Variants in NFIB observed in about 807,000 individuals in gnomAD.
The protein encoded by NFIB is nuclear factor 1 B-type.
A neutral mutation model predicts 61.5 loss-of-function variants in NFIB; 11 were observed. The observed-to-expected ratio is 0.18, with a 90% CI of 0.11 to 0.30. The LOEUF is 0.30. NFIB is among the 10% of genes least tolerant of loss of function. The pLI is 1.00. For missense variants in NFIB, 471 were observed against 608.9 expected, an observed-to-expected ratio of 0.77 and a Z score of 2.38; for synonymous variants, 260 against 216.5, an observed-to-expected ratio of 1.20 and a Z score of -1.76.
At chr9:14,493,480 C>T in the NFIB span, among the ~76,000 whole-genome samples, 1 of 152,166 alleles carries the variant, frequency 6.6e-6, no homozygotes, top group Admixed American at 6.5e-5. Context: ...ATGTATTCCA[C>T]TGTTAAATTC....
intron 2 of NFIB, chr9:14,204,432 G>T: frequency 8.8e-7 from 1 of 1,142,036 alleles, no homozygotes; most frequent in South Asian, 1.2e-5. Context: ...CGCTATAGCA[G>T]GTTGCAGCGG....
At chr9:14,319,020 G>A (rs2060603432), upstream of NFIB, among the ~76,000 whole-genome samples, 2 of 151,960 alleles carry the variant, frequency 1.3e-5, no homozygotes, top group Non-Finnish European at 2.9e-5. Flanking sequence ...ATTCACAACT[G>A]GTTAGTTTCC....
At chr9:14,440,889 TAA>T in the NFIB span, among the ~76,000 whole-genome samples, 1 of 152,160 alleles carries the variant, frequency 6.6e-6, no homozygotes, top group South Asian at 2.1e-4. Flanking sequence ...ACAAAGGTAT[TAA>T]GAGAAAAATG....
intron 1 of NFIB, among the ~76,000 whole-genome samples, chr9:14,389,896 T>C (rs1269724867): frequency 1.3e-5 from 2 of 152,244 alleles, no homozygotes; most frequent in Admixed American, 6.5e-5. Context: ...GACATTCTCC[T>C]TAGTCTGGGC....
intron 1 of NFIB, among the ~76,000 whole-genome samples, chr9:14,358,542 T>G (rs543630577): frequency 6.6e-6 from 1 of 152,294 alleles, no homozygotes; most frequent in African/African-American, 2.4e-5. Context: ...CTGAAATCAT[T>G]AAAATATGTT....
At chr9:14,091,050 C>A (rs143068993) in intron 10 of NFIB, among the ~76,000 whole-genome samples, 1 of 151,834 alleles carries the variant, frequency 6.6e-6, no homozygotes, top group Non-Finnish European at 1.5e-5. Context: ...TCTTTCAAAC[C>A]GCCCATCCTA....
At chr9:14,316,742 T>G (rs1171725178), upstream of NFIB, among the ~76,000 whole-genome samples, 1 of 151,988 alleles carries the variant, frequency 6.6e-6, no homozygotes, top group East Asian at 1.9e-4. Flanking sequence ...CACATTACAC[T>G]GCATCCCCTT....
At chr9:14,518,068 TA>T in the NFIB span, among the ~76,000 whole-genome samples, 1 of 152,202 alleles carries the variant, frequency 6.6e-6, no homozygotes, top group Non-Finnish European at 1.5e-5. Flanking sequence ...AAATACACTA[TA>T]AAAAATTTTG....
intron 1 of NFIB, among the ~76,000 whole-genome samples, chr9:14,352,477 C>T (rs933054707): frequency 6.6e-6 from 1 of 152,172 alleles, no homozygotes; most frequent in South Asian, 2.1e-4. Context: ...TTGACATCAC[C>T]GCTTCTTTTG....
chr9:14,176,493 C>A (rs1056580514), intron 3 of NFIB, among the ~76,000 whole-genome samples: 28 of 152,072 alleles, frequency 1.8e-4, no homozygotes, highest in Admixed American at 7.2e-4. Flanking sequence ...ACATTTAAGT[C>A]ACAAATCGTT....
intron 2 of NFIB, among the ~76,000 whole-genome samples, chr9:14,238,347 AC>A (rs1211914649): frequency 6.6e-6 from 1 of 152,200 alleles, no homozygotes; most frequent in Non-Finnish European, 1.5e-5. Context: ...AGTAGGGGCT[AC>A]AAATATAAAT....
intron 10 of NFIB, among the ~76,000 whole-genome samples, chr9:14,101,046 G>C (rs2035704436): frequency 1.3e-5 from 2 of 152,146 alleles, no homozygotes; most frequent in South Asian, 4.2e-4. Flanking sequence ...GGAAATATTA[G>C]GTCATTAAAT....
chr9:14,098,494 G>T (rs2035228021), intron 10 of NFIB, among the ~76,000 whole-genome samples: 1 of 152,076 alleles, frequency 6.6e-6, no homozygotes, highest in Non-Finnish European at 1.5e-5. Flanking sequence ...GACAGTACAG[G>T]CTATATTCTG....
At chr9:14,263,801 G>A (rs1050019487) in intron 2 of NFIB, among the ~76,000 whole-genome samples, 1 of 152,170 alleles carries the variant, frequency 6.6e-6, no homozygotes, top group African/African-American at 2.4e-5. Flanking sequence ...AAAAGTGAAA[G>A]TATATGGCGT....
chr9:14,176,266 A>C (rs1278435369), intron 3 of NFIB, among the ~76,000 whole-genome samples: 1 of 151,778 alleles, frequency 6.6e-6, no homozygotes, highest in Non-Finnish European at 1.5e-5. Flanking sequence ...TAAAAAAAAA[A>C]AAAAAAAAAC....
upstream of NFIB, among the ~76,000 whole-genome samples, chr9:14,315,511 C>CG (rs1388925944): frequency 4.5e-4 from 65 of 144,738 alleles, no homozygotes; most frequent in South Asian, 2.1e-4. Context: ...CGGGTGCAGG[C>CG]GGGGCGGGGC....
intron 2 of NFIB, among the ~76,000 whole-genome samples, chr9:14,206,156 T>G (rs914511160): frequency 1.9e-4 from 29 of 151,288 alleles, no homozygotes; most frequent in African/African-American, 6.6e-4. Context: ...AGTTCACTAG[T>G]AACTTACTAA....
intron 1 of NFIB, among the ~76,000 whole-genome samples, chr9:14,370,427 A>G (rs1490110847): frequency 6.6e-6 from 1 of 152,218 alleles, no homozygotes; most frequent in African/African-American, 2.4e-5. Context: ...GCTTTTTAAA[A>G]ATTAAAGGAA....
the NFIB span, among the ~76,000 whole-genome samples, chr9:14,429,566 C>T: frequency 6.6e-6 from 1 of 152,224 alleles, no homozygotes; most frequent in African/African-American, 2.4e-5. Flanking sequence ...TCTCATGCTT[C>T]CTATGGCTGA....
Sources: gnomAD v4.1 joint callset for allele counts (sites outside exome capture counted in the v4.1 genomes callset) on GRCh38, gnomAD v4.1.1 for gene constraint, MANE v1.5 for transcripts, NCBI Gene and HGNC (gene_info 2026-07-23, HGNC 2026-07-21) for gene names.